The following CNBD1 variants were observed in gnomAD, a reference collection of about 807,000 sequenced individuals.
The protein encoded by CNBD1 is cyclic nucleotide-binding domain-containing protein 1.
Under a neutral mutation model 54.4 loss-of-function variants are expected in CNBD1, and 71 were observed. The ratio of observed to expected loss-of-function variants is 1.30; its 90% confidence interval spans 1.08 to 1.59. The LOEUF is 1.59. Ranked by LOEUF, CNBD1 falls within the 40% of genes most tolerant of loss-of-function variation. The pLI is 0.00. For synonymous variants in CNBD1, 182 were observed against 170.7 expected (o/e 1.07, Z -0.51); for missense variants, 659 against 518.0 (o/e 1.27, Z -2.64).
chr8:87,098,319 A>G (rs1811358750), intron 4 of CNBD1, among the ~76,000 whole-genome samples: 2 of 152,222 alleles, frequency 1.3e-5, no homozygotes, highest in South Asian at 4.1e-4. Context: ...ACTGTGCCAA[A>G]TATTTTAAAT....
chr8:87,397,338 C>G (rs536496126), intron 2 of CNBD1, among the ~76,000 whole-genome samples: 2 of 152,002 alleles, frequency 1.3e-5, no homozygotes, highest in South Asian at 4.2e-4. Flanking sequence ...TGTGCTTCAT[C>G]CATCATCTTG....
At chr8:86,951,877 AC>A (rs755044030) in intron 4 of CNBD1, among the ~76,000 whole-genome samples, 2 of 152,056 alleles carry the variant, frequency 1.3e-5, no homozygotes, top group Non-Finnish European at 2.9e-5. Context: ...CTTAGGGCAA[AC>A]CTGCTCCACT....
intron 2 of CNBD1, among the ~76,000 whole-genome samples, chr8:87,420,892 A>G (rs942420048): frequency 1.3e-5 from 2 of 151,900 alleles, no homozygotes; most frequent in African/African-American, 2.4e-5. Flanking sequence ...ATCCTTTTGT[A>G]TCTCCCTCAT....
In CNBD1 at chr8:87,364,236, T is replaced by A. The variant is rs185834818; in HGVS notation, c.1303+10450T>A. Among the ~76,000 whole-genome samples, 414 of 145,916 alleles carry A rather than the reference T, an allele frequency of 2.8e-3. 1 individual carries two copies. The highest frequency in any genetic ancestry group is 0.011 in the African/African-American group (395 of 36,406). On this transcript the variant is annotated intron_variant, in intron 10 of 10. Transcript: ENST00000518476. Reference sequence around the variant, plus strand: ...ATATTTATAAGTATCTATATATATGTATATATATTCACACATCTAATGTGT... The same window carrying A: ...ATATTTATAAGTATCTATATATATGAATATATATTCACACATCTAATGTGT...
At chr8:87,015,225 G>T (rs149492875) in intron 4 of CNBD1, among the ~76,000 whole-genome samples, 436 of 152,230 alleles carry the variant, frequency 2.9e-3, no homozygotes, top group African/African-American at 9.8e-3. Flanking sequence ...GCCCAGGCTG[G>T]AGGCTGGAGT....
intron 2 of CNBD1, among the ~76,000 whole-genome samples, chr8:87,399,790 A>T (rs1807515479): frequency 6.6e-6 from 1 of 151,956 alleles, no homozygotes; most frequent in Non-Finnish European, 1.5e-5. Flanking sequence ...TTGGACAGTG[A>T]TTATTTAACT....
intron 8 of CNBD1, among the ~76,000 whole-genome samples, chr8:87,325,618 A>C (rs1173595648): frequency 7.4e-6 from 1 of 135,382 alleles, no homozygotes; most frequent in African/African-American, 2.9e-5. Context: ...AGAGACTAGG[A>C]TTGCAACCCC....
At chr8:87,397,909 GCT>G (rs1473627388) in intron 2 of CNBD1, among the ~76,000 whole-genome samples, 1 of 151,960 alleles carries the variant, frequency 6.6e-6, no homozygotes, top group African/African-American at 2.4e-5. Context: ...CTCTGCACAA[GCT>G]CTCTCTTTGC....
At chr8:86,980,691 A>G (rs193169447) in intron 4 of CNBD1, among the ~76,000 whole-genome samples, 45 of 152,360 alleles carry the variant, frequency 3.0e-4, no homozygotes, top group Non-Finnish European at 5.6e-4. Context: ...AGGGATTTGC[A>G]AAAATCTCAG....
At chr8:86,953,954 T>C (rs1457036776) in intron 4 of CNBD1, among the ~76,000 whole-genome samples, 1 of 152,210 alleles carries the variant, frequency 6.6e-6, no homozygotes, top group African/African-American at 2.4e-5. Flanking sequence ...CTCTTTAGCA[T>C]TGAAATGCTA....
chr8:87,349,860 T>C (rs1486310212), intron 8 of CNBD1, among the ~76,000 whole-genome samples: 1 of 152,212 alleles, frequency 6.6e-6, no homozygotes, highest in Non-Finnish European at 1.5e-5. Flanking sequence ...AACAATGGTT[T>C]GGGTTTTCCA....
chr8:87,336,159 T>G (rs1809941800), intron 8 of CNBD1, among the ~76,000 whole-genome samples: 2 of 152,158 alleles, frequency 1.3e-5, no homozygotes, highest in South Asian at 4.1e-4. Context: ...TTGGAGAATC[T>G]GATGATTATG....
chr8:87,034,361 G>T (rs954251639), intron 4 of CNBD1, among the ~76,000 whole-genome samples: 15 of 152,212 alleles, frequency 9.9e-5, no homozygotes, highest in Non-Finnish European at 1.5e-5. Context: ...CTACTGGAGA[G>T]AACTGCTCAT....
At chr8:87,291,420 G>T (rs978436281) in intron 8 of CNBD1, among the ~76,000 whole-genome samples, 1 of 151,910 alleles carries the variant, frequency 6.6e-6, no homozygotes, top group Non-Finnish European at 1.5e-5. Flanking sequence ...TCTCTCTGGG[G>T]GTCAAGAAAT....
chr8:86,989,135 G>T (rs1029765230), intron 4 of CNBD1, among the ~76,000 whole-genome samples: 1 of 152,012 alleles, frequency 6.6e-6, no homozygotes, highest in African/African-American at 2.4e-5. Context: ...AGCCAGGCAT[G>T]GTGACGTGTG....
chr8:86,954,843 T>C (rs998343655), intron 4 of CNBD1, among the ~76,000 whole-genome samples: 3 of 152,244 alleles, frequency 2.0e-5, no homozygotes, highest in Non-Finnish European at 4.4e-5. Context: ...CTTCTTTTTC[T>C]TTAATTATAC....
At position 87,047,650 on chromosome 8, in the gene CNBD1, G is replaced by A. The variant is rs567753596; in HGVS notation, c.431+107896G>A. Among the ~76,000 whole-genome samples the A allele has an allele frequency of 2.2e-4, 33 of 152,348 alleles. 1 individual carries two copies. In the South Asian group the frequency reaches 5.8e-3, roughly 27 times the overall value. ...TTCCACTCAGGAGGTGCCACAGGGT[G>A]TAACCCTACTGCAAAAGCAAAGTAA... On this transcript the variant is annotated intron_variant, in intron 4 of 10. Coordinates refer to ENST00000518476, the MANE Select transcript of CNBD1 (RefSeq NM_173538.3).
chr8:87,047,063 T>C (rs573136675), intron 4 of CNBD1, among the ~76,000 whole-genome samples: 1 of 152,266 alleles, frequency 6.6e-6, no homozygotes, highest in East Asian at 1.9e-4. Flanking sequence ...TTATCTCACG[T>C]GTTAGATTAG....
Position 87,206,101 on chromosome 8 carries a change from G to A in CNBD1, c.540G>A (p.Lys180=). 6.3e-7 allele frequency: 1 copy of A among 1,593,128 alleles called. No individual in the cohort carries two copies. Among genetic ancestry groups the A allele is most frequent in the Non-Finnish European group, 8.5e-7 (1 of 1,171,086 alleles). The change falls in exon 5 of 11, where the codon AAG becomes AAA. Residue 180 remains lysine, a synonymous_variant. Transcript: ENST00000518476. ...LNDKHLKTLS[K]TVFSETWLKG... ...ATAAGCATCTGAAAACACTTAGTAAGACTGTCTTTTCCGAAACCTGGTTGA... is the reference window on the plus strand; with the variant it reads ...ATAAGCATCTGAAAACACTTAGTAAAACTGTCTTTTCCGAAACCTGGTTGA...
Sources: allele counts gnomAD v4.1 joint callset (sites outside exome capture counted in the v4.1 genomes callset), GRCh38; gene constraint gnomAD v4.1.1; transcripts MANE v1.5; gene names NCBI Gene and HGNC (gene_info 2026-07-23, HGNC 2026-07-21).